Variants in CCDC15 observed in about 807,000 individuals in gnomAD.
CCDC15 encodes the protein coiled-coil domain containing 15.
Under a neutral mutation model 114.5 loss-of-function variants are expected in CCDC15, and 105 were observed. That is an observed-to-expected ratio of 0.92 (90% confidence interval 0.78 to 1.08). The LOEUF (loss-of-function observed/expected upper bound fraction) is 1.08. Among genes scored for constraint, CCDC15 ranks in the 50% least tolerant of loss-of-function variants. The pLI is 0.00. For synonymous variants in CCDC15, 334 were observed against 377.8 expected, an observed-to-expected ratio of 0.88 and a Z score of 1.34; for missense variants, 1,105 against 1,093.6, an observed-to-expected ratio of 1.01 and a Z score of -0.15.
rs4936970 is a variant in CCDC15, at chr11:125,032,471, G to A, written c.2412-5960G>A. On this transcript the variant is annotated intron_variant, in intron 13 of 15. Transcript: ENST00000344762. ...TTGGTTAAGCTTATGATAATCCACT[G>A]TCATTCTCTAAGATCCATCTGTCTT... Among the ~76,000 whole-genome samples the A allele has an allele frequency of 3.8e-3, 583 of 152,188 alleles. 1 individual carries two copies. The highest frequency in any genetic ancestry group is 0.013 in the African/African-American group (531 of 41,482).
chr11:124,962,352 A>G (rs903089564), intron 4 of CCDC15, among the ~76,000 whole-genome samples: 11 of 152,244 alleles, frequency 7.2e-5, no homozygotes, highest in African/African-American at 9.6e-5. Flanking sequence ...AAGAGTTTCA[A>G]ACATTCATCT....
chr11:124,999,657 T>C (rs1468913713), intron 11 of CCDC15, among the ~76,000 whole-genome samples: 4 of 152,042 alleles, frequency 2.6e-5, no homozygotes, highest in Non-Finnish European at 4.4e-5. Context: ...GTGAGAACTT[T>C]TGTATTTTCA....
Position 124,983,595 on chromosome 11 carries a change from C to A in CCDC15, c.754-3147C>A, listed in dbSNP as rs906243883. ...GACTGTGTGCTCCAAATCTGGGGGG[C>A]TGGTATTGGCCCTGGCTTTGTTCTC... On this transcript the variant is annotated intron_variant, in intron 6 of 15. Transcript: ENST00000344762. Among the ~76,000 whole-genome samples the A allele has an allele frequency of 2.0e-4, 31 of 152,070 alleles. 1 individual carries two copies. The highest frequency in any genetic ancestry group is 7.9e-4 in the Admixed American group (12 of 15,270).
At chr11:124,992,915 T>C (rs1391429781) in intron 10 of CCDC15, among the ~76,000 whole-genome samples, 5 of 152,212 alleles carry the variant, frequency 3.3e-5, no homozygotes, top group Non-Finnish European at 7.3e-5. Flanking sequence ...GGAGAAGAGA[T>C]AGATAATAAA....
chr11:124,970,812 G>A (rs1478690524), intron 4 of CCDC15, among the ~76,000 whole-genome samples: 1 of 152,032 alleles, frequency 6.6e-6, no homozygotes, highest in East Asian at 1.9e-4. Flanking sequence ...CTTCATATTT[G>A]CTTGATGCTT....
intron 4 of CCDC15, among the ~76,000 whole-genome samples, chr11:124,973,580 T>G (rs769741451): frequency 7.9e-5 from 12 of 151,910 alleles, no homozygotes; most frequent in Non-Finnish European, 1.2e-4. Flanking sequence ...GCTGGTAGAG[T>G]AGAGTGTTTT....
chr11:124,976,590 T>A (rs1046735445), intron 5 of CCDC15, among the ~76,000 whole-genome samples: 1 of 152,076 alleles, frequency 6.6e-6, no homozygotes, highest in African/African-American at 2.4e-5. Flanking sequence ...CAGGGTACTG[T>A]TAGATGAGGT....
chr11:125,033,040 G>C (rs985656713), intron 13 of CCDC15, among the ~76,000 whole-genome samples: 1 of 152,196 alleles, frequency 6.6e-6, no homozygotes, highest in African/African-American at 2.4e-5. Flanking sequence ...AGCATAAATT[G>C]TTGGTAGTAT....
intron 8 of CCDC15, among the ~76,000 whole-genome samples, chr11:124,990,133 A>C (rs1016726250): frequency 1.3e-5 from 2 of 152,196 alleles, no homozygotes. Flanking sequence ...GAACACTTAG[A>C]GACCATTGTA....
intron 4 of CCDC15, 132 bp downstream of exon 4, chr11:124,960,135 C>CCT: frequency 6.9e-6 from 3 of 435,036 alleles, no homozygotes; most frequent in Non-Finnish European, 7.6e-6. Flanking sequence ...AATCATCCCC[C>CCT]TTTTTTTTTT....
intron 13 of CCDC15, among the ~76,000 whole-genome samples, chr11:125,025,743 T>C (rs1948698075): frequency 6.6e-6 from 1 of 152,106 alleles, no homozygotes; most frequent in Non-Finnish European, 1.5e-5. Context: ...AAGAACTTTA[T>C]TAATGGCATA....
At chr11:124,992,497 T>G in intron 9 of CCDC15, 83 bp from the exon 10 acceptor site, 1 of 769,956 alleles carries the variant, frequency 1.3e-6, no homozygotes, top group South Asian at 1.7e-5. Flanking sequence ...CTCTGGAGTT[T>G]TCACTGAAGC....
intron 13 of CCDC15, among the ~76,000 whole-genome samples, chr11:125,020,476 T>G (rs1376353568): frequency 6.6e-6 from 1 of 151,974 alleles, no homozygotes; most frequent in Non-Finnish European, 1.5e-5. Context: ...CCCTGTGATG[T>G]CACCTTATTT....
At chr11:125,016,190 T>G (rs1025753761) in intron 13 of CCDC15, among the ~76,000 whole-genome samples, 7 of 152,214 alleles carry the variant, frequency 4.6e-5, no homozygotes. Flanking sequence ...CTGTTTATTG[T>G]GCGTAAGAAG....
At chr11:124,983,145 G>A (rs916244695) in intron 6 of CCDC15, among the ~76,000 whole-genome samples, 4 of 152,064 alleles carry the variant, frequency 2.6e-5, no homozygotes, top group African/African-American at 9.7e-5. Context: ...TATCAGATCA[G>A]TTTGCTTCTT....
chr11:124,981,622 G>T (rs908824426), intron 6 of CCDC15, among the ~76,000 whole-genome samples: 1 of 151,812 alleles, frequency 6.6e-6, no homozygotes, highest in Non-Finnish European at 1.5e-5. Flanking sequence ...CACTATTATT[G>T]TGTGGTTATC....
At chr11:125,034,644 C>G (rs1213244221) in intron 13 of CCDC15, among the ~76,000 whole-genome samples, 2 of 152,146 alleles carry the variant, frequency 1.3e-5, no homozygotes, top group African/African-American at 2.4e-5. Flanking sequence ...TACAGGGTCA[C>G]TAAACTCCTT....
intron 11 of CCDC15, among the ~76,000 whole-genome samples, chr11:124,994,097 A>G (rs1370533397): frequency 3.9e-5 from 6 of 152,196 alleles, no homozygotes; most frequent in Admixed American, 3.9e-4. Context: ...CAGTATTATC[A>G]CTACTGTGAT....
intron 13 of CCDC15, among the ~76,000 whole-genome samples, chr11:125,017,654 G>T (rs1185492693): frequency 1.3e-5 from 2 of 152,060 alleles, no homozygotes; most frequent in African/African-American, 4.8e-5. Flanking sequence ...GCCTCAGCCA[G>T]GTCCTTCAGG....
Sources: allele counts gnomAD v4.1 joint callset (sites outside exome capture counted in the v4.1 genomes callset), GRCh38; gene constraint gnomAD v4.1.1; transcripts MANE v1.5; gene names NCBI Gene and HGNC (gene_info 2026-07-23, HGNC 2026-07-21).